MYL11: variants seen among roughly 807,000 people sequenced by gnomAD.
MYL11 encodes myosin light chain 11, also known as myosin regulatory light chain 11.
At chr16:30,377,439 G>C in the MYL11 span, 8 of 458,238 alleles carry the variant, frequency 1.7e-5, no homozygotes, top group Non-Finnish European at 3.0e-5. Flanking sequence ...CAGAGGTAAG[G>C]GAGTAGTTAA....
the MYL11 span, chr16:30,376,426 G>A: frequency 2.7e-5 from 44 of 1,612,492 alleles, no homozygotes; most frequent in South Asian, 1.1e-4. Flanking sequence ...CCTCCAGGCC[G>A]CCTCAATGTG....
chr16:30,376,033 C>A, the MYL11 span: 5 of 1,477,214 alleles, frequency 3.4e-6, no homozygotes, highest in South Asian at 1.2e-5. Flanking sequence ...CCCCTCTCTG[C>A]TTGGGGTGGA....
chr16:30,376,385 AGCCTGCT>A, the MYL11 span: 1 of 1,586,936 alleles, frequency 6.3e-7, no homozygotes, highest in Non-Finnish European at 8.6e-7. Context: ...CGGCCCCAGG[AGCCTGCT>A]CCAGCCCATG....
chr16:30,374,485 G>T, the MYL11 span, among the ~76,000 whole-genome samples: 1 of 152,192 alleles, frequency 6.6e-6, no homozygotes, highest in Non-Finnish European at 1.5e-5. Flanking sequence ...CCACTCAGGG[G>T]TACAGGATCT....
chr16:30,374,474 C>T, the MYL11 span, among the ~76,000 whole-genome samples: 16 of 152,158 alleles, frequency 1.1e-4, no homozygotes, highest in Admixed American at 9.8e-4. Context: ...CTGAGCCCAC[C>T]CCACTCAGGG....
the MYL11 span, chr16:30,376,476 G>A: frequency 1.7e-5 from 27 of 1,613,988 alleles, no homozygotes; most frequent in African/African-American, 2.4e-4. Context: ...GGAAGCCAGC[G>A]GTCCCATCAA....
chr16:30,375,868 G>A, the MYL11 span: 29 of 1,613,982 alleles, frequency 1.8e-5, no homozygotes, highest in East Asian at 4.5e-4. Flanking sequence ...AAGCTCCAGC[G>A]TCTTCTCCAT....
chr16:30,371,595 C>G, the MYL11 span, among the ~76,000 whole-genome samples: 1 of 152,182 alleles, frequency 6.6e-6, no homozygotes, highest in Admixed American at 6.5e-5. Flanking sequence ...CTCCCCAGAA[C>G]CCAGGCTCCA....
chr16:30,377,934 T>G, the MYL11 span: 1 of 1,576,094 alleles, frequency 6.3e-7, no homozygotes. Context: ...CCGACGCTTC[T>G]GTTCGGCCCG....
At chr16:30,375,953 C>T in the MYL11 span, 2 of 1,598,454 alleles carry the variant, frequency 1.3e-6, no homozygotes, top group East Asian at 2.2e-5. Flanking sequence ...TGACCAAAAG[C>T]AGCCCTGCTG....
the MYL11 span, chr16:30,376,479 C>T: frequency 6.2e-7 from 1 of 1,614,122 alleles, no homozygotes; most frequent in Non-Finnish European, 8.5e-7. Flanking sequence ...AGCCAGCGGT[C>T]CCATCAACTT....
At chr16:30,376,692 A>G in the MYL11 span, 345 of 1,613,816 alleles carry the variant, frequency 2.1e-4, 1 homozygote, top group Middle Eastern at 2.8e-3. Context: ...ACCATCAAGA[A>G]GAAGTTGTAA....
At chr16:30,376,999 G>A in the MYL11 span, among the ~76,000 whole-genome samples, 390 of 152,258 alleles carry the variant, frequency 2.6e-3, no homozygotes, top group African/African-American at 8.8e-3. Flanking sequence ...GATCATGTGA[G>A]GTCAGGAGTC....
At chr16:30,376,797 T>C in the MYL11 span, 2 of 1,233,302 alleles carry the variant, frequency 1.6e-6, no homozygotes, top group Admixed American at 2.0e-5. Context: ...CTGGGCCCTG[T>C]GGCTCAGGCC....
the MYL11 span, among the ~76,000 whole-genome samples, chr16:30,374,339 G>T: frequency 1.3e-5 from 2 of 151,676 alleles, no homozygotes; most frequent in Non-Finnish European, 2.9e-5. Flanking sequence ...GGAGACAGGG[G>T]TCTCACTATG....
the MYL11 span, chr16:30,377,760 A>C: frequency 1.9e-6 from 3 of 1,607,776 alleles, no homozygotes; most frequent in Non-Finnish European, 8.5e-7. Flanking sequence ...GGGGAGACTA[A>C]GGGCCTGTGC....
At chr16:30,373,595 C>CAA in the MYL11 span, among the ~76,000 whole-genome samples, 2 of 77,638 alleles carry the variant, frequency 2.6e-5, no homozygotes, top group African/African-American at 4.8e-5. Flanking sequence ...GACTTCATCT[C>CAA]AAAAAAAAAA....
chr16:30,374,651 T>C, the MYL11 span: 1 of 562,676 alleles, frequency 1.8e-6, no homozygotes, highest in Non-Finnish European at 3.1e-6. Flanking sequence ...CCCGCTGGGC[T>C]CCAGCTGCTG....
chr16:30,374,990 CTGATGGAAAACAGACTGTG>C, the MYL11 span: 4 of 1,240,606 alleles, frequency 3.2e-6, no homozygotes, highest in South Asian at 5.7e-5. Context: ...CTCGGCATCA[CTGATGGAAAACAGACTGTG>C]TGATGGCCTA....
Sources: allele counts gnomAD v4.1 joint callset (sites outside exome capture counted in the v4.1 genomes callset), GRCh38; gene constraint gnomAD v4.1.1; transcripts MANE v1.5; gene names NCBI Gene and HGNC (gene_info 2026-07-23, HGNC 2026-07-21).